Variants in ANAPC4 observed in about 807,000 individuals in gnomAD.
The protein encoded by ANAPC4 is anaphase promoting complex subunit 4.
A neutral mutation model predicts 119.8 loss-of-function variants in ANAPC4; 63 were observed. The ratio of observed to expected loss-of-function variants is 0.53; its 90% CI spans 0.43 to 0.65. The LOEUF is 0.65. Ranked by LOEUF, ANAPC4 falls within the 30% of genes least tolerant of loss-of-function variation. The probability of loss-of-function intolerance (pLI) is 0.00; values close to 1 mark genes in which losing one functional copy is unlikely to be tolerated. For synonymous variants in ANAPC4, 283 were observed against 318.6 expected (o/e 0.89, Z 1.19); for missense variants, 716 against 945.1 (o/e 0.76, Z 3.18).
At chr4:25,408,167 G>T (rs1348412529) in intron 20 of ANAPC4, among the ~76,000 whole-genome samples, 1 of 152,192 alleles carries the variant, frequency 6.6e-6, no homozygotes, top group East Asian at 1.9e-4. Flanking sequence ...TGAAAAGGGA[G>T]AAATATTCTA....
chr4:25,405,888 A>G lies in ANAPC4; in HGVS notation c.1317+269A>G, dbSNP rs1334207212. On this transcript the variant is annotated intron_variant, in intron 18 of 28. Coordinates refer to ENST00000315368, the MANE Select transcript of ANAPC4 (RefSeq NM_013367.3). The surrounding 1 kb of genome is among the most constrained non-coding windows in gnomAD (Gnocchi z 4.6). The stretch of plus-strand genomic sequence containing the variant: ...AATACATGTAAGACAGCATCCTTGT[A>G]TTCCTTACTTTGACTTCCTTAAATT... Among the ~76,000 whole-genome samples the G allele has an allele frequency of 6.6e-6, 1 of 152,160 alleles. No individual in the cohort carries two copies. The highest frequency in any genetic ancestry group is 6.5e-5 in the Admixed American group (1 of 15,272).
At chr4:25,418,060 TA>T in intron 28 of ANAPC4, 94 bp from the exon 29 acceptor site, 1 of 1,214,966 alleles carries the variant, frequency 8.2e-7, no homozygotes. Context: ...AACTTTCCTA[TA>T]AAACCATTCT....
intron 9 of ANAPC4, 47 bp from the exon 10 acceptor site, chr4:25,392,291 A>G: frequency 7.6e-7 from 1 of 1,318,008 alleles, no homozygotes; most frequent in Non-Finnish European, 1.1e-6. Context: ...CAGACTTTGC[A>G]GCAAGTGCAT....
chr4:25,407,646 G>A (rs575368473), intron 20 of ANAPC4, among the ~76,000 whole-genome samples: 16 of 152,076 alleles, frequency 1.1e-4, no homozygotes, highest in African/African-American at 3.9e-4. Context: ...AAGAGCTTTT[G>A]TTTATGTGAG....
rs1399249753 is a variant in ANAPC4, at chr4:25,414,713, C to A, written c.1826+13C>A. ...CTGATATTTCTCAGTAAGTATTAAT[C>A]TGAAGTTTGAATCAAAGAGATAAGA... On this transcript the variant is annotated intron_variant, in intron 25 of 28. Coordinates refer to ENST00000315368, the MANE Select transcript of ANAPC4 (RefSeq NM_013367.3). 2.7e-6 allele frequency: 4 copies of A among 1,488,768 alleles called. No homozygotes were observed. In the African/African-American group the frequency reaches 5.7e-5, roughly 21 times the overall value. 92.2% of individuals were successfully genotyped at this position (1,488,768 alleles called of 1,614,324 possible).
At chr4:25,410,308 A>G in intron 21 of ANAPC4, among the ~76,000 whole-genome samples, 1 of 152,332 alleles carries the variant, frequency 6.6e-6, no homozygotes, top group African/African-American at 2.4e-5. Flanking sequence ...ATATGCCAGC[A>G]CATCTTACCA....
At chr4:25,378,271 G>GC (rs1385630844) in intron 2 of ANAPC4, among the ~76,000 whole-genome samples, 1 of 152,184 alleles carries the variant, frequency 6.6e-6, no homozygotes, top group Non-Finnish European at 1.5e-5. Flanking sequence ...CTTCACCTGT[G>GC]CATCTTTCCG....
intron 7 of ANAPC4, among the ~76,000 whole-genome samples, chr4:25,389,641 A>G (rs948827788): frequency 1.3e-5 from 2 of 152,164 alleles, no homozygotes; most frequent in East Asian, 1.9e-4. Flanking sequence ...CTTAATATCT[A>G]TTATTGTTTT....
chr4:25,393,960 C>A, intron 11 of ANAPC4, 69 bp downstream of exon 11: 1 of 1,268,184 alleles, frequency 7.9e-7, no homozygotes, highest in Non-Finnish European at 1.1e-6. Context: ...CCTTGAGGTA[C>A]ATGAGAAAAA....
At chr4:25,404,529 T>C (rs1198442391) in intron 17 of ANAPC4, among the ~76,000 whole-genome samples, 2 of 152,128 alleles carry the variant, frequency 1.3e-5, no homozygotes, top group East Asian at 1.9e-4. Context: ...TAAGAATCCT[T>C]ACTACATATC....
chr4:25,377,999 A>G (rs1019251545), intron 2 of ANAPC4, among the ~76,000 whole-genome samples: 7 of 152,226 alleles, frequency 4.6e-5, no homozygotes, highest in Non-Finnish European at 7.3e-5. Flanking sequence ...TTCAGCTGCA[A>G]ATGTGCCTGC....
intron 3 of ANAPC4, among the ~76,000 whole-genome samples, chr4:25,380,878 T>C (rs1026690990): frequency 2.0e-5 from 3 of 152,246 alleles, no homozygotes; most frequent in African/African-American, 7.2e-5. Context: ...TAGCATGAAA[T>C]GTGTGGCTCA....
chr4:25,393,286 T>A (rs1049775126), intron 10 of ANAPC4, among the ~76,000 whole-genome samples: 1 of 152,228 alleles, frequency 6.6e-6, no homozygotes, highest in African/African-American at 2.4e-5. Context: ...TGTTTTATTA[T>A]GAAATTCTAA....
intron 4 of ANAPC4, among the ~76,000 whole-genome samples, chr4:25,387,053 CAGTA>C (rs1460269911): frequency 6.6e-6 from 1 of 152,012 alleles, no homozygotes; most frequent in African/African-American, 2.4e-5. Flanking sequence ...TTTTGTGTCT[CAGTA>C]AGTATTCTTA....
chr4:25,390,438 TTTTC>T (rs200843781), intron 8 of ANAPC4, among the ~76,000 whole-genome samples: 15 of 152,226 alleles, frequency 9.9e-5, no homozygotes, highest in Non-Finnish European at 2.1e-4. Context: ...TTTTTTTTCT[TTTTC>T]TTTAACAGAA....
intron 16 of ANAPC4, among the ~76,000 whole-genome samples, chr4:25,402,020 T>A (rs1404183368): frequency 1.3e-5 from 2 of 152,240 alleles, no homozygotes; most frequent in Non-Finnish European, 2.9e-5. Flanking sequence ...AGGTTCCAGA[T>A]GGAGAAACTG....
At chr4:25,377,381 G>A in intron 1 of ANAPC4, 37 bp downstream of exon 1, 1 of 1,607,296 alleles carries the variant, frequency 6.2e-7, no homozygotes, top group South Asian at 1.1e-5. Context: ...GGAGAGCCGG[G>A]GGCTCCTGCC....
At position 25,390,935 on chromosome 4, in the gene ANAPC4, T is replaced by C. The variant is rs780388156; in HGVS notation, c.625T>C (p.Cys209Arg). Residue 209 changes from cysteine (C) to arginine (R), a missense_variant, in exon 9 of 29, where the codon TGT (cysteine) becomes CGT (arginine). Around this residue, in one of 3 missense-constraint regions of ANAPC4, gnomAD observed 202 missense variants for 293.5 expected, o/e 0.69. Transcript: ENST00000315368. ...TGIAGTCLAL[C>R]LSSDLKSLSV... ...GATTGCTGGTACTTGTCTTGCATTA[T>C]GTTTATCAAGTGATTTGAAATCATT... The C allele has an allele frequency of 6.2e-7, 1 of 1,613,808 alleles. No homozygotes were observed. The highest frequency in any genetic ancestry group is 1.3e-5 in the African/African-American group (1 of 75,066).
chr4:25,382,927 A>G (rs1445641930), intron 3 of ANAPC4, among the ~76,000 whole-genome samples: 3 of 152,204 alleles, frequency 2.0e-5, no homozygotes, highest in African/African-American at 4.8e-5. Flanking sequence ...GATAACATAT[A>G]ATTGTTTATT....
Sources: gnomAD v4.1 joint callset for allele counts (sites outside exome capture counted in the v4.1 genomes callset) on GRCh38, gnomAD v4.1.1 for gene constraint, gnomAD v4.1.1 regional missense constraint, Gnocchi (gnomAD v3.1) non-coding constraint, MANE v1.5 for transcripts, NCBI Gene and HGNC (gene_info 2026-07-23, HGNC 2026-07-21) for gene names.